GABBR2: variants seen among roughly 807,000 people sequenced by gnomAD.
The protein encoded by GABBR2 is gamma-aminobutyric acid type B receptor subunit 2.
Under a neutral mutation model 105.6 loss-of-function variants are expected in GABBR2, and 23 were observed. The observed-to-expected ratio is 0.22, with a 90% CI of 0.16 to 0.31. The LOEUF (loss-of-function observed/expected upper bound fraction) is 0.31, where lower values mean the gene tolerates loss of function less well. Among genes scored for constraint, GABBR2 ranks in the 10% least tolerant of loss-of-function variants. GABBR2 has a pLI of 1.00. For synonymous variants in GABBR2, 478 were observed against 499.7 expected (o/e 0.96, Z 0.58); for missense variants, 734 against 1,245.5 (o/e 0.59, Z 6.18).
At chr9:98,622,062 T>C (rs1829677953) in intron 1 of GABBR2, among the ~76,000 whole-genome samples, 1 of 152,222 alleles carries the variant, frequency 6.6e-6, no homozygotes, top group Admixed American at 6.5e-5. Context: ...GACCCAAATA[T>C]TATAATTATC....
chr9:98,612,997 C>T (rs529472430), intron 1 of GABBR2, among the ~76,000 whole-genome samples: 48 of 152,340 alleles, frequency 3.2e-4, no homozygotes, highest in African/African-American at 1.1e-3. Flanking sequence ...CCAACTGCTA[C>T]CTGCTGCCTC....
chr9:98,435,472 A>G (rs139567804), intron 7 of GABBR2, among the ~76,000 whole-genome samples: 41 of 152,184 alleles, frequency 2.7e-4, no homozygotes, highest in Admixed American at 5.2e-4. Context: ...TCTATACCCA[A>G]TATCACTGAG....
intron 6 of GABBR2, among the ~76,000 whole-genome samples, chr9:98,472,692 G>T (rs1210752058): frequency 6.6e-6 from 1 of 152,172 alleles, no homozygotes; most frequent in Non-Finnish European, 1.5e-5. Context: ...CACACAGGTG[G>T]TAGTGGTAAA....
chr9:98,519,588 A>G (rs1827826817), intron 3 of GABBR2, among the ~76,000 whole-genome samples: 1 of 152,226 alleles, frequency 6.6e-6, no homozygotes, highest in South Asian at 2.1e-4. Flanking sequence ...AAATAAAATG[A>G]GATTCAGAGC....
At chr9:98,621,980 G>A (rs536765324) in intron 1 of GABBR2, among the ~76,000 whole-genome samples, 179 of 149,088 alleles carry the variant, frequency 1.2e-3, no homozygotes, top group African/African-American at 3.8e-3. Context: ...TTTTAAGACC[G>A]AAAAAAAAAT....
intron 1 of GABBR2, among the ~76,000 whole-genome samples, chr9:98,647,643 A>C (rs1484575967): frequency 6.6e-6 from 1 of 152,216 alleles, no homozygotes; most frequent in Non-Finnish European, 1.5e-5. Context: ...TGGATGTACC[A>C]GTTTTATGAA....
chr9:98,706,017 G>A (rs145675009), intron 1 of GABBR2, among the ~76,000 whole-genome samples: 2,621 of 151,762 alleles, frequency 0.017, 78 homozygotes, highest in African/African-American at 0.058. Context: ...TGGAGGTTGC[G>A]GTGAGCCAAG....
intron 13 of GABBR2, among the ~76,000 whole-genome samples, chr9:98,322,755 G>C (rs947541677): frequency 6.6e-6 from 1 of 152,038 alleles, no homozygotes; most frequent in Non-Finnish European, 1.5e-5. Flanking sequence ...TTCTTCATAG[G>C]ACGGTGAAGT....
At chr9:98,394,119 C>T in intron 9 of GABBR2, 56 bp downstream of exon 9, 1 of 1,261,380 alleles carries the variant, frequency 7.9e-7, no homozygotes, top group Non-Finnish European at 1.2e-6. Flanking sequence ...TAGACAATGT[C>T]CAGGCTTGGG....
chr9:98,560,679 A>G (rs545342769), intron 2 of GABBR2, among the ~76,000 whole-genome samples: 2 of 150,856 alleles, frequency 1.3e-5, no homozygotes, highest in South Asian at 4.2e-4. Context: ...CATGAGGAAT[A>G]CTTTCACTTA....
At chr9:98,414,373 G>A (rs552817919) in intron 7 of GABBR2, among the ~76,000 whole-genome samples, 2 of 152,272 alleles carry the variant, frequency 1.3e-5, no homozygotes, top group East Asian at 3.9e-4. Context: ...GAAATCCAAG[G>A]ACCTGAAACA....
intron 6 of GABBR2, among the ~76,000 whole-genome samples, chr9:98,461,036 A>G (rs1826416745): frequency 6.6e-6 from 1 of 152,236 alleles, no homozygotes; most frequent in African/African-American, 2.4e-5. Flanking sequence ...AAAATCCTCT[A>G]TCTAGTCAAT....
intron 1 of GABBR2, among the ~76,000 whole-genome samples, chr9:98,595,219 A>G (rs540055738): frequency 9.7e-4 from 147 of 152,128 alleles, no homozygotes; most frequent in African/African-American, 2.7e-3. Flanking sequence ...GGGTCCTCAC[A>G]TGGTGGGAGG....
intron 7 of GABBR2, among the ~76,000 whole-genome samples, chr9:98,447,097 TG>T (rs1826145398): frequency 9.2e-6 from 1 of 108,780 alleles, no homozygotes. Flanking sequence ...AGTCTCGCTC[TG>T]TCGCCCAGGC....
At chr9:98,470,566 T>C (rs1826653155) in intron 6 of GABBR2, among the ~76,000 whole-genome samples, 2 of 152,136 alleles carry the variant, frequency 1.3e-5, no homozygotes. Context: ...CAAGACAAGA[T>C]TTGGGTGGGG....
At position 98,667,994 on chromosome 9, in the gene GABBR2, G is replaced by A. The variant is rs73655495; in HGVS notation, c.321+40423C>T. ...GGCAGCCCAGGGCCAGTGACTGGCC[G>A]ATGCAGGAAAACAAAGGCCCAGTCC... is the stretch of plus-strand genomic sequence containing the variant. On this transcript the variant is annotated intron_variant, in intron 1 of 18. Coordinates refer to ENST00000259455, the MANE Select transcript of GABBR2 (RefSeq NM_005458.8). Among the ~76,000 whole-genome samples the A allele has an allele frequency of 4.2e-3, 633 of 152,304 alleles. 5 individuals are homozygous for A. The highest frequency in any genetic ancestry group is 0.015 in the African/African-American group (615 of 41,560).
chr9:98,500,129 C>T (rs1588197578), intron 3 of GABBR2, among the ~76,000 whole-genome samples: 1 of 152,214 alleles, frequency 6.6e-6, no homozygotes, highest in East Asian at 1.9e-4. Flanking sequence ...TACATTTCTG[C>T]AAAATGATTT....
chr9:98,361,973 C>G (rs1293342418), intron 13 of GABBR2, among the ~76,000 whole-genome samples: 1 of 152,144 alleles, frequency 6.6e-6, no homozygotes, highest in Non-Finnish European at 1.5e-5. Context: ...ACTAAATTCC[C>G]ACAAAAGATC....
chr9:98,661,055 G>A (rs571163872), intron 1 of GABBR2, among the ~76,000 whole-genome samples: 2 of 152,224 alleles, frequency 1.3e-5, no homozygotes, highest in Non-Finnish European at 1.5e-5. Flanking sequence ...ACAGGCATGC[G>A]CCATTACACC....
Sources: gnomAD v4.1 joint callset for allele counts (sites outside exome capture counted in the v4.1 genomes callset) on GRCh38, gnomAD v4.1.1 for gene constraint, MANE v1.5 for transcripts, NCBI Gene and HGNC (gene_info 2026-07-23, HGNC 2026-07-21) for gene names.